PPL: variants seen among roughly 807,000 people sequenced by gnomAD.
The protein encoded by PPL is 190 kDa paraneoplastic pemphigus antigen.
In PPL, 198 loss-of-function variants were observed where a neutral mutation model predicts 194.4. The observed-to-expected ratio is 1.02, with a 90% CI of 0.91 to 1.15. PPL has a LOEUF of 1.15. PPL is among the 50% of genes most tolerant of loss of function. PPL has a pLI of 0.00. For synonymous variants in PPL, 1,220 were observed against 972.4 expected, an observed-to-expected ratio of 1.25 and a Z score of -4.74; for missense variants, 2,885 against 2,294.8, an observed-to-expected ratio of 1.26 and a Z score of -5.25.
chr16:4,928,150 T>C (rs1297129193), intron 1 of PPL, among the ~76,000 whole-genome samples: 1 of 152,346 alleles, frequency 6.6e-6, no homozygotes, highest in East Asian at 1.9e-4. Flanking sequence ...CAGCCTCCTT[T>C]TTCATTTTTT....
At chr16:4,892,974 C>G (rs1429308955) in intron 14 of PPL, 1 of 476,098 alleles carries the variant, frequency 2.1e-6, no homozygotes, top group East Asian at 3.4e-5. Context: ...TGCCAGGCGT[C>G]AGATCGACAA....
At chr16:4,893,097 A>G in intron 14 of PPL, 116 bp downstream of exon 14, 1 of 1,315,988 alleles carries the variant, frequency 7.6e-7, no homozygotes, top group Non-Finnish European at 1.0e-6. Context: ...GCTGTCCCTG[A>G]CAGACAGCTG....
At chr16:4,900,534 G>A (rs1398884543) in intron 6 of PPL, among the ~76,000 whole-genome samples, 1 of 142,586 alleles carries the variant, frequency 7.0e-6, no homozygotes, top group African/African-American at 2.6e-5. Context: ...CCACCTCCTG[G>A]GCTCAAGCGA....
In PPL at chr16:4,902,327, A is replaced by G; in HGVS notation, c.438+79T>C. On this transcript the variant is annotated intron_variant, in intron 4 of 21. Transcript: ENST00000345988. The surrounding 1 kb of genome is among the most constrained non-coding windows in gnomAD (Gnocchi z 4.0). ...TGGTAAGACCCGGGATGCCCATTAC[A>G]TGGGTAGGCTCTCCCTGCACACGCA... 1 of 1,575,854 alleles carries G rather than the reference A, an allele frequency of 6.3e-7. No homozygotes were observed. The highest frequency in any genetic ancestry group is 8.6e-7 in the Non-Finnish European group (1 of 1,160,102).
At position 4,899,066 on chromosome 16, in the gene PPL, T is replaced by G. The variant is rs200709609; in HGVS notation, c.823A>C (p.Ser275Arg). Residue 275 changes from serine (S) to arginine (R), a missense_variant, in exon 8 of 22, where the codon AGC (serine) becomes CGC (arginine). Transcript: ENST00000345988. Reference protein sequence around the residue: ...AKEERINKLHSEGDQLLAAEH... With the variant: ...AKEERINKLHREGDQLLAAEH... ...GCCGCCAGCAGCTGGTCGCCCTCGCTGTGCAGTTTGTTGATTCTCTCCTCT... is the reference window on the plus strand; with the variant it reads ...GCCGCCAGCAGCTGGTCGCCCTCGCGGTGCAGTTTGTTGATTCTCTCCTCT... 1.3e-6 allele frequency: 2 copies of G among 1,598,230 alleles called. No homozygotes were observed. Among genetic ancestry groups the G allele is most frequent in the Non-Finnish European group, 1.7e-6 (2 of 1,171,356 alleles).
At chr16:4,934,404 G>A (rs11640160) in intron 1 of PPL, among the ~76,000 whole-genome samples, 4 of 152,068 alleles carry the variant, frequency 2.6e-5, no homozygotes, top group South Asian at 2.1e-4. Flanking sequence ...CCCTGGGCTC[G>A]GAAAGGGCTG....
At chr16:4,930,959 T>C (rs1201107755) in intron 1 of PPL, among the ~76,000 whole-genome samples, 1 of 152,110 alleles carries the variant, frequency 6.6e-6, no homozygotes, top group East Asian at 1.9e-4. Context: ...GCTCCCTGGC[T>C]GCCATGGGGA....
rs780841989 is a variant in PPL at position 4,893,328 on chromosome 16, TC to T, written c.1534del (p.Asp512ThrfsTer75). On this transcript the variant is annotated frameshift_variant, in exon 14 of 22. Coordinates refer to ENST00000345988, the MANE Select transcript of PPL (RefSeq NM_002705.5). LOFTEE classifies it high-confidence loss of function. ...CCGGTCCAGGTCGCTGGCCACCTTG[TC>T]CAAGCCAGCCAGCAGCTGCCGCCCC... ...LQGRQLLAGL[D>X]KVASDLDRQE... 6 of 1,608,430 alleles carry T rather than the reference TC, an allele frequency of 3.7e-6. No homozygotes were observed.
chr16:4,914,787 G>A (rs2088887390), intron 1 of PPL, among the ~76,000 whole-genome samples: 1 of 152,182 alleles, frequency 6.6e-6, no homozygotes, highest in African/African-American at 2.4e-5. Flanking sequence ...TTGGATGGAG[G>A]ATCTCGGTAA....
At position 4,892,057 on chromosome 16, in the gene PPL, G is replaced by A. The variant is rs754231331; in HGVS notation, c.1807C>T (p.Leu603=). Reference sequence around the variant, plus strand: ...CACTTCTCCTGGGCCAAGTCCAGCAGCTGCAGGAGGTGCTCGTATTTCCGG... The same window carrying A: ...CACTTCTCCTGGGCCAAGTCCAGCAACTGCAGGAGGTGCTCGTATTTCCGG... ...TNRKYEHLLQ[L]LDLAQEKVDV... is the part of the protein sequence containing the mutation. The change falls in exon 15 of 22, where the codon CTG becomes TTG. Residue 603 remains leucine, a synonymous_variant. Transcript: ENST00000345988. 1.9e-6 allele frequency: 3 copies of A among 1,613,704 alleles called. No individual in the cohort carries two copies. In the South Asian group the frequency reaches 3.3e-5, roughly 18 times the overall value.
chr16:4,885,261 C>T lies in PPL; in HGVS notation c.3394G>A (p.Asp1132Asn), dbSNP rs1311200245. Reference sequence around the variant, plus strand: ...TCGTCCTCATATTGGCGGGTGAGATCGCTGACCTCCCTCTCGGTGGCCGCG... The same window carrying T: ...TCGTCCTCATATTGGCGGGTGAGATTGCTGACCTCCCTCTCGGTGGCCGCG... ...KDAATEREVS[D>N]LTRQYEDEAA... Residue 1132 changes from aspartate (D) to asparagine (N), a missense_variant, in exon 22 of 22, where the codon GAT becomes AAT. By Grantham distance (23) the Asp-to-Asn change is conservative. Transcript: ENST00000345988. This position sits in a 1 kb window ranked among gnomAD's most constrained non-coding sequence, Gnocchi z 6.3. 6.2e-6 allele frequency: 10 copies of T among 1,612,526 alleles called. No homozygotes were observed. The Middle Eastern group carries it at 4.9e-4, about 80-fold the overall frequency.
At chr16:4,908,702 G>A (rs747260340) in intron 2 of PPL, among the ~76,000 whole-genome samples, 1 of 146,016 alleles carries the variant, frequency 6.8e-6, no homozygotes, top group African/African-American at 2.5e-5. Context: ...ACCACACCTG[G>A]CAAATTTTTC....
intron 1 of PPL, among the ~76,000 whole-genome samples, chr16:4,933,738 C>T (rs2089255006): frequency 6.6e-6 from 1 of 152,178 alleles, no homozygotes; most frequent in Non-Finnish European, 1.5e-5. Flanking sequence ...ATGTGACTGC[C>T]AGCGACTCAA....
At position 4,900,964 on chromosome 16, in the gene PPL, C is replaced by G. The variant is rs1568016066; in HGVS notation, c.564G>C (p.Lys188Asn). The change falls in exon 5 of 22, where the codon AAG becomes AAC. Residue 188 changes from lysine to asparagine, a missense_variant and splice_region_variant. Physicochemically the swap from Lys to Asn is moderately conservative, Grantham distance 94. Transcript: ENST00000345988. ...CCCACCACACCAGCACACGCCCCAC[C>G]TTGTCCCCGTCCTTGGCCAGGTGGG... ...IGPHLAKDGD[K>N]EQNSELRAKY... 28 of 1,614,146 alleles carry G rather than the reference C, an allele frequency of 1.7e-5. No individual in the cohort carries two copies. Among genetic ancestry groups the G allele is most frequent in the Non-Finnish European group, 2.4e-5 (28 of 1,180,022 alleles).
chr16:4,926,178 C>T (rs547953912), intron 1 of PPL, among the ~76,000 whole-genome samples: 2 of 152,300 alleles, frequency 1.3e-5, no homozygotes, highest in African/African-American at 4.8e-5. Flanking sequence ...AGCTCCATTG[C>T]AGATGAGGAA....
In PPL at chr16:4,929,070, C is replaced by T. The variant is rs539518239; in HGVS notation, c.62+7914G>A. Among the ~76,000 whole-genome samples, 72 of 145,822 alleles carry T rather than the reference C, an allele frequency of 4.9e-4. 1 individual carries two copies. Among genetic ancestry groups the T allele is most frequent in the Admixed American group, 2.5e-3 (36 of 14,522 alleles). ...ATCTGCCGAGAGTCCTGGAGCGAGT[C>T]ACTCAAACTCTCTGAGCCTCACTTG... On this transcript the variant is annotated intron_variant, in intron 1 of 21. Coordinates refer to ENST00000345988, the MANE Select transcript of PPL (RefSeq NM_002705.5).
At chr16:4,906,349 C>G (rs2088682295) in intron 2 of PPL, among the ~76,000 whole-genome samples, 1 of 152,142 alleles carries the variant, frequency 6.6e-6, no homozygotes, top group Admixed American at 6.5e-5. Flanking sequence ...CTCAGCCTCC[C>G]AAGTAACTGG....
At position 4,883,257 on chromosome 16, in the gene PPL, T is replaced by G; in HGVS notation, c.*127A>C. 7.5e-7 allele frequency: 1 copy of G among 1,331,160 alleles called. No individual in the cohort carries two copies. The highest frequency in any genetic ancestry group is 2.3e-5 in the East Asian group (1 of 43,206). The allele number at this position is 1,331,160 out of a possible 1,614,324, so 82.5% of individuals were successfully genotyped here. On this transcript the variant is annotated 3_prime_UTR_variant, in exon 22 of 22. Coordinates refer to ENST00000345988, the MANE Select transcript of PPL (RefSeq NM_002705.5). The surrounding 1 kb of genome is among the most constrained non-coding windows in gnomAD (Gnocchi z 4.8). ...TATGTGGGCGGGACTCTGAGCAGCC[T>G]GGCAGCGAGGGTATGTATAAAATGC...
intron 1 of PPL, among the ~76,000 whole-genome samples, chr16:4,929,380 C>T (rs1160241653): frequency 6.6e-6 from 1 of 152,146 alleles, no homozygotes; most frequent in Non-Finnish European, 1.5e-5. Context: ...AGACCCAGGA[C>T]TCAGGGCTTG....
Sources: allele counts gnomAD v4.1 joint callset (sites outside exome capture counted in the v4.1 genomes callset), GRCh38; gene constraint gnomAD v4.1.1; non-coding constraint Gnocchi (gnomAD v3.1); transcripts MANE v1.5; gene names NCBI Gene and HGNC (gene_info 2026-07-23, HGNC 2026-07-21).